Variants in MAF observed in about 807,000 individuals in gnomAD.
MAF encodes transcription factor Maf.
MAF carries 10 observed loss-of-function variants against 22.0 expected under a neutral mutation model. That is an observed-to-expected ratio of 0.45 (90% CI 0.28 to 0.77). The LOEUF is 0.77. MAF is among the 30% of genes least tolerant of loss of function. The pLI is 0.12. For missense variants in MAF, 544 were observed against 548.4 expected, an observed-to-expected ratio of 0.99 and a Z score of 0.08; for synonymous variants, 337 against 255.8, an observed-to-expected ratio of 1.32 and a Z score of -3.03.
chr16:79,234,609 G>A, the MAF span, among the ~76,000 whole-genome samples: 1 of 152,186 alleles, frequency 6.6e-6, no homozygotes, highest in African/African-American at 2.4e-5. Flanking sequence ...CAAAGAAAGA[G>A]CAACATGTTG....
the MAF span, among the ~76,000 whole-genome samples, chr16:79,352,631 G>A: frequency 1.3e-5 from 2 of 152,156 alleles, no homozygotes; most frequent in Non-Finnish European, 2.9e-5. Context: ...CAATGCCCAA[G>A]AACCCTCAGC....
the MAF span, among the ~76,000 whole-genome samples, chr16:79,232,229 A>T: frequency 1.3e-5 from 2 of 152,064 alleles, no homozygotes; most frequent in Non-Finnish European, 2.9e-5. Flanking sequence ...TATACAAGTT[A>T]AAAAGACTTA....
chr16:79,248,422 G>T, the MAF span, among the ~76,000 whole-genome samples: 1 of 152,146 alleles, frequency 6.6e-6, no homozygotes, highest in Non-Finnish European at 1.5e-5. Context: ...GGTTTTACAA[G>T]TATTTTTAAT....
At chr16:79,253,744 G>A in the MAF span, among the ~76,000 whole-genome samples, 12 of 152,170 alleles carry the variant, frequency 7.9e-5, no homozygotes, top group Non-Finnish European at 1.5e-4. Context: ...TTTCGAGCCT[G>A]ATCGTCTCTA....
At chr16:79,299,799 T>G in the MAF span, among the ~76,000 whole-genome samples, 1 of 152,260 alleles carries the variant, frequency 6.6e-6, no homozygotes, top group African/African-American at 2.4e-5. Flanking sequence ...TCTCTTCCTT[T>G]CTTATTTTCT....
At chr16:79,562,545 C>G in the MAF span, among the ~76,000 whole-genome samples, 1 of 152,194 alleles carries the variant, frequency 6.6e-6, no homozygotes, top group African/African-American at 2.4e-5. Flanking sequence ...TTTACATCAT[C>G]TACACCCTGG....
At chr16:79,456,641 C>T in the MAF span, among the ~76,000 whole-genome samples, 1 of 152,168 alleles carries the variant, frequency 6.6e-6, no homozygotes, top group Admixed American at 6.5e-5. Flanking sequence ...CAACTGTAAG[C>T]TAACAGATGA....
chr16:79,596,884 C>T (rs1913559688), intron 1 of MAF: 6 of 1,048,754 alleles, frequency 5.7e-6, no homozygotes, highest in Non-Finnish European at 6.9e-6. Flanking sequence ...AACAGTTTTG[C>T]AATTTTTTTT....
the MAF span, among the ~76,000 whole-genome samples, chr16:79,532,487 G>C: frequency 6.6e-6 from 1 of 152,204 alleles, no homozygotes; most frequent in South Asian, 2.1e-4. Context: ...AATCTGATAG[G>C]TGGTCAACTG....
chr16:79,557,341 C>G, the MAF span, among the ~76,000 whole-genome samples: 43 of 152,126 alleles, frequency 2.8e-4, no homozygotes, highest in East Asian at 6.6e-3. Context: ...AGAAAATAAG[C>G]TTCTCTTTGC....
At chr16:79,443,351 A>T in the MAF span, among the ~76,000 whole-genome samples, 1 of 152,294 alleles carries the variant, frequency 6.6e-6, no homozygotes, top group East Asian at 1.9e-4. Context: ...CATGTTGACC[A>T]ATCAGAAGAT....
the MAF span, among the ~76,000 whole-genome samples, chr16:79,445,072 C>T: frequency 4.6e-5 from 7 of 152,196 alleles, no homozygotes; most frequent in Admixed American, 2.0e-4. Context: ...CTCACTCTGT[C>T]GCCCAGACTG....
the MAF span, among the ~76,000 whole-genome samples, chr16:79,255,890 C>T: frequency 6.6e-6 from 1 of 151,838 alleles, no homozygotes; most frequent in Non-Finnish European, 1.5e-5. Context: ...TTCATGGTAC[C>T]TGGTGTGAGA....
the MAF span, among the ~76,000 whole-genome samples, chr16:79,499,908 G>A: frequency 3.3e-5 from 5 of 152,218 alleles, no homozygotes; most frequent in Admixed American, 3.3e-4. Context: ...ACCTGGAAGA[G>A]TTTGTCCTGG....
the MAF span, among the ~76,000 whole-genome samples, chr16:79,340,958 G>A: frequency 4.6e-5 from 7 of 152,306 alleles, no homozygotes; most frequent in African/African-American, 1.7e-4. Context: ...GGGTGGTCAG[G>A]TGACATTTAA....
At chr16:79,594,854 C>T in intron 1 of MAF, 4 of 1,224,194 alleles carry the variant, frequency 3.3e-6, no homozygotes, top group Admixed American at 3.9e-5. Context: ...AGCACCTTTG[C>T]ATTTGATTTT....
the MAF span, among the ~76,000 whole-genome samples, chr16:79,240,025 G>T: frequency 1.3e-5 from 2 of 151,926 alleles, no homozygotes; most frequent in Non-Finnish European, 2.9e-5. Context: ...TTTTAAATGG[G>T]TTATCAAGGT....
At chr16:79,378,509 G>C in the MAF span, among the ~76,000 whole-genome samples, 2 of 152,042 alleles carry the variant, frequency 1.3e-5, no homozygotes, top group African/African-American at 4.8e-5. Flanking sequence ...TATGACTTGA[G>C]CATTTTTCTG....
In MAF at chr16:79,597,658, G is replaced by T. The variant is rs114706140; in HGVS notation, c.1118+1127C>A. On this transcript the variant is annotated intron_variant, in intron 1 of 1. Coordinates refer to ENST00000326043, the MANE Select transcript of MAF (RefSeq NM_005360.5). ...GGGAAGAAGGCTCTACGGTTGCACT[G>T]TTTTGTTCTAAACTCAAAAAAGTCA... 2.4e-3 allele frequency: 2,479 copies of T among 1,020,652 alleles called. 45 individuals carry two copies. In the African/African-American group the frequency reaches 0.039, roughly 16 times the overall value. 63.2% of individuals were successfully genotyped at this position (1,020,652 alleles called of 1,614,324 possible).
Sources: allele counts gnomAD v4.1 joint callset (sites outside exome capture counted in the v4.1 genomes callset), GRCh38; gene constraint gnomAD v4.1.1; transcripts MANE v1.5; gene names NCBI Gene and HGNC (gene_info 2026-07-23, HGNC 2026-07-21).